The following IRF2 variants were observed in gnomAD, a reference collection of about 807,000 sequenced individuals.
IRF2 encodes interferon regulatory factor 2.
In IRF2, 15 loss-of-function variants were observed where a neutral mutation model predicts 40.6. That is an observed-to-expected ratio of 0.37 (90% CI 0.25 to 0.57). The LOEUF (loss-of-function observed/expected upper bound fraction) is 0.57, where lower values mean the gene tolerates loss of function less well. IRF2 is among the 20% of genes least tolerant of loss of function. The pLI is 0.77. For missense variants in IRF2, 317 were observed against 455.7 expected (o/e 0.70, Z 2.77); for synonymous variants, 151 against 165.5 (o/e 0.91, Z 0.67).
intron 1 of IRF2, among the ~76,000 whole-genome samples, chr4:184,443,065 A>C (rs887103618): frequency 1.3e-5 from 2 of 152,248 alleles, no homozygotes; most frequent in African/African-American, 4.8e-5. Flanking sequence ...AGCTGGGATT[A>C]CAGGCACGTG....
intron 5 of IRF2, among the ~76,000 whole-genome samples, chr4:184,414,841 T>C (rs1737206174): frequency 6.6e-6 from 1 of 152,242 alleles, no homozygotes; most frequent in South Asian, 2.1e-4. Context: ...CAAATATTCA[T>C]ACCTAGTTAC....
chr4:184,418,445 A>T, intron 4 of IRF2, 87 bp downstream of exon 4: 4 of 1,285,122 alleles, frequency 3.1e-6, no homozygotes, highest in Non-Finnish European at 4.5e-6. Context: ...CTACCTGCAA[A>T]CTGACTGCAG....
intron 1 of IRF2, among the ~76,000 whole-genome samples, chr4:184,440,567 T>C (rs764333693): frequency 3.5e-4 from 54 of 152,244 alleles, no homozygotes; most frequent in Non-Finnish European, 6.8e-4. Context: ...TGTGAGAGGC[T>C]GGAGAACCTC....
intron 1 of IRF2, among the ~76,000 whole-genome samples, chr4:184,444,198 G>T (rs1561117518): frequency 1.3e-5 from 2 of 152,120 alleles, no homozygotes; most frequent in South Asian, 2.1e-4. Context: ...ATGAGATGAG[G>T]AGAGGAACCT....
intron 6 of IRF2, among the ~76,000 whole-genome samples, chr4:184,404,716 C>T (rs550987374): frequency 1.3e-4 from 20 of 152,140 alleles, no homozygotes; most frequent in Non-Finnish European, 2.9e-4. Flanking sequence ...TTGGTTTAGG[C>T]ACTCGAGAGC....
intron 1 of IRF2, among the ~76,000 whole-genome samples, chr4:184,459,389 G>C (rs1739052393): frequency 1.3e-5 from 2 of 152,136 alleles, no homozygotes; most frequent in South Asian, 4.1e-4. Context: ...AAAAAATGAA[G>C]GGAAGGGGCA....
At chr4:184,444,333 G>T (rs764680704) in intron 1 of IRF2, among the ~76,000 whole-genome samples, 2 of 152,134 alleles carry the variant, frequency 1.3e-5, no homozygotes, top group Non-Finnish European at 2.9e-5. Flanking sequence ...AGCCATTCAG[G>T]TCTCCATCCG....
intron 1 of IRF2, among the ~76,000 whole-genome samples, chr4:184,461,011 A>C (rs191999132): frequency 6.6e-6 from 1 of 152,356 alleles, no homozygotes; most frequent in Non-Finnish European, 1.5e-5. Context: ...AATCCACATA[A>C]AAATTTCAAA....
chr4:184,461,232 G>A (rs943676789), intron 1 of IRF2, among the ~76,000 whole-genome samples: 1 of 152,154 alleles, frequency 6.6e-6, no homozygotes, highest in African/African-American at 2.4e-5. Context: ...AAATGTGGGA[G>A]AATTGTGGAA....
intron 1 of IRF2, among the ~76,000 whole-genome samples, chr4:184,431,348 GC>G (rs1737870722): frequency 6.6e-6 from 1 of 152,168 alleles, no homozygotes; most frequent in African/African-American, 2.4e-5. Flanking sequence ...GACATTCCCT[GC>G]CATCTAGGAA....
In IRF2 at chr4:184,419,680, A is replaced by G. The variant is rs367947663; in HGVS notation, c.88-112T>C. The G allele has an allele frequency of 4.4e-3, 3,125 of 712,382 alleles. 8 individuals carry two copies. Among genetic ancestry groups the G allele is most frequent in the Non-Finnish European group, 6.0e-3 (2,517 of 422,550 alleles). 44.1% of individuals were successfully genotyped at this position (712,382 alleles called of 1,614,324 possible). A position where few individuals can be genotyped will look rare whatever the true frequency, so the allele number is the denominator to read the frequency against. ...CAAGATTCCCCAGCAAGCATCGCTG[A>G]ATGTGTTGACTGCTGACAAGAAAAT... On this transcript the variant is annotated intron_variant, in intron 2 of 8. Transcript: ENST00000393593.
rs1736140444 is a variant in IRF2 at position 184,388,695 on chromosome 4, A to G, written c.*63T>C. 39 of 1,520,216 alleles carry G rather than the reference A, an allele frequency of 2.6e-5. No homozygotes were observed. The highest frequency in any genetic ancestry group is 3.2e-5 in the Non-Finnish European group (36 of 1,123,638). The allele number at this position is 1,520,216 out of a possible 1,614,324, so 94.2% of individuals were successfully genotyped here. A position where few individuals can be genotyped will look rare whatever the true frequency, so the allele number is the denominator to read the frequency against. On this transcript the variant is annotated 3_prime_UTR_variant, in exon 9 of 9. Transcript: ENST00000393593. The surrounding 1 kb of genome is among the most constrained non-coding windows in gnomAD (Gnocchi z 4.6). ...ATAGGTGTCAGAGAGAAAAAAATAA[A>G]ATACAAACAAACAACAAAACAAAGC...
At chr4:184,425,976 G>GT (rs199619909) in intron 2 of IRF2, among the ~76,000 whole-genome samples, 2 of 66,996 alleles carry the variant, frequency 3.0e-5, no homozygotes, top group Non-Finnish European at 5.9e-5. Flanking sequence ...GCTCACTCCG[G>GT]TTTTTGTTTG....
At chr4:184,445,999 G>A (rs56161146) in intron 1 of IRF2, among the ~76,000 whole-genome samples, 57,061 of 151,988 alleles carry the variant, frequency 0.38, 10,901 homozygotes, top group African/African-American at 0.41. Context: ...GACACACATA[G>A]AAGAAAGGAG....
At chr4:184,450,064 G>A (rs1738661287) in intron 1 of IRF2, among the ~76,000 whole-genome samples, 1 of 152,206 alleles carries the variant, frequency 6.6e-6, no homozygotes, top group Non-Finnish European at 1.5e-5. Context: ...AAAGTGTGTG[G>A]ATGTTAGCAA....
rs914984559 is a variant in IRF2, at chr4:184,399,367, C to T, written c.530-288G>A. 4.6e-5 allele frequency among the ~76,000 whole-genome samples: 7 copies of T among 152,326 alleles called. No individual in the cohort carries two copies. In the South Asian group the frequency reaches 1.4e-3, roughly 32 times the overall value. ...CTCAGCAGAATTCCACAGTCAACCCCGTCACAGCCGAGGCCACAGGACCAG... is the reference window on the plus strand; with the variant it reads ...CTCAGCAGAATTCCACAGTCAACCCTGTCACAGCCGAGGCCACAGGACCAG... On this transcript the variant is annotated intron_variant, in intron 6 of 8. Coordinates refer to ENST00000393593, the MANE Select transcript of IRF2 (RefSeq NM_002199.4).
intron 1 of IRF2, among the ~76,000 whole-genome samples, chr4:184,430,736 C>T (rs754948023): frequency 4.6e-5 from 7 of 152,194 alleles, no homozygotes; most frequent in Non-Finnish European, 1.0e-4. Flanking sequence ...CACTCTGTCA[C>T]CCAGACGGGA....
chr4:184,415,332 C>T (rs1276170055), intron 5 of IRF2, among the ~76,000 whole-genome samples: 1 of 152,212 alleles, frequency 6.6e-6, no homozygotes, highest in Non-Finnish European at 1.5e-5. Context: ...GCTGAGGTGG[C>T]TCTTGACCCA....
chr4:184,390,690 G>A lies in IRF2; in HGVS notation c.741+13C>T, dbSNP rs762110991. ...CCTTGGCAGCATCGTGGGCAGGCTG[G>A]GCAGTGGCTTACCTCGGCACTCTCT... On this transcript the variant is annotated intron_variant, in intron 8 of 8. Transcript: ENST00000393593. 123 of 1,614,034 alleles carry A rather than the reference G, an allele frequency of 7.6e-5. No individual in the cohort carries two copies. Among genetic ancestry groups the A allele is most frequent in the Non-Finnish European group, 4.0e-5 (47 of 1,179,882 alleles).
Sources: allele counts gnomAD v4.1 joint callset (sites outside exome capture counted in the v4.1 genomes callset), GRCh38; gene constraint gnomAD v4.1.1; non-coding constraint Gnocchi (gnomAD v3.1); transcripts MANE v1.5; gene names NCBI Gene and HGNC (gene_info 2026-07-23, HGNC 2026-07-21).